Variants in SLCO1A2 observed in about 807,000 individuals in gnomAD.
SLCO1A2 encodes OATP-1.
A neutral mutation model predicts 69.0 loss-of-function variants in SLCO1A2; 67 were observed. The observed-to-expected ratio is 0.97, with a 90% CI of 0.80 to 1.19. The LOEUF (loss-of-function observed/expected upper bound fraction) is 1.19. Ranked by LOEUF, SLCO1A2 falls within the 50% of genes most tolerant of loss-of-function variation. The pLI, the probability that SLCO1A2 is intolerant of heterozygous loss-of-function variation, is 0.00. For synonymous variants in SLCO1A2, 260 were observed against 265.9 expected (o/e 0.98, Z 0.22); for missense variants, 787 against 793.7 (o/e 0.99, Z 0.10).
intron 2 of SLCO1A2, among the ~76,000 whole-genome samples, chr12:21,334,225 G>GA (rs778573357): frequency 2.6e-5 from 4 of 152,048 alleles, no homozygotes; most frequent in Non-Finnish European, 4.4e-5. Flanking sequence ...TCTGTGCAAT[G>GA]AGCCATTTTC....
intron 2 of SLCO1A2, among the ~76,000 whole-genome samples, chr12:21,363,560 G>A (rs1194395588): frequency 6.6e-6 from 1 of 152,116 alleles, no homozygotes; most frequent in East Asian, 1.9e-4. Context: ...CAGAACTGAA[G>A]TAGATAGAGA....
In SLCO1A2 at chr12:21,314,542, T is replaced by A. The variant is rs774328822; in HGVS notation, c.335+7A>T. ...ACCACCCAAAATTATCAGACTGGAG[T>A]ACTTACTGGTTCATGAGGAAATGAG... is the stretch of plus-strand genomic sequence containing the variant. On this transcript the variant is annotated splice_region_variant and intron_variant, in intron 4 of 14. Coordinates refer to ENST00000683939, the MANE Select transcript of SLCO1A2 (RefSeq NM_001386879.1). 5 of 1,613,444 alleles carry A rather than the reference T, an allele frequency of 3.1e-6. No individual in the cohort carries two copies. The highest frequency in any genetic ancestry group is 4.2e-6 in the Non-Finnish European group (5 of 1,179,852).
At chr12:21,370,906 G>A (rs1057232613) in intron 2 of SLCO1A2, among the ~76,000 whole-genome samples, 8 of 152,180 alleles carry the variant, frequency 5.3e-5, no homozygotes, top group Middle Eastern at 3.2e-3. Context: ...AGGGTTCTTG[G>A]CTTTGTTCAT....
At chr12:21,397,015 C>T (rs1941491869), upstream of SLCO1A2, among the ~76,000 whole-genome samples, 1 of 151,476 alleles carries the variant, frequency 6.6e-6, no homozygotes, top group South Asian at 2.1e-4. Flanking sequence ...CAAATTCACA[C>T]ATAACAATAT....
At chr12:21,364,136 C>T (rs892277571) in intron 2 of SLCO1A2, among the ~76,000 whole-genome samples, 2 of 152,070 alleles carry the variant, frequency 1.3e-5, no homozygotes, top group African/African-American at 2.4e-5. Context: ...AACATCGATG[C>T]AAAAATCCTC....
Position 21,275,393 on chromosome 12 carries a change from C to T in SLCO1A2, c.1642G>A (p.Val548Met), listed in dbSNP as rs1390792208. 1 of 1,535,338 alleles carries T rather than the reference C, an allele frequency of 6.5e-7. No homozygotes were observed. Among genetic ancestry groups the T allele is most frequent in the Non-Finnish European group, 8.8e-7 (1 of 1,133,922 alleles). The stretch of plus-strand genomic sequence containing the variant: ...CTTGTGCAAAATGTATGTAATCCCA[C>T]ACCAAGGGACTTCTCTTCAGATTTC... ...CMKSEEKSLG[V>M]GLHTFCTRVF... The change falls in exon 13 of 15, where the codon GTG (valine) becomes ATG (methionine). Residue 548 changes from valine (V) to methionine (M), a missense_variant. Coordinates refer to ENST00000683939, the MANE Select transcript of SLCO1A2 (RefSeq NM_001386879.1).
At chr12:21,370,665 A>G (rs1939718067) in intron 2 of SLCO1A2, among the ~76,000 whole-genome samples, 1 of 152,106 alleles carries the variant, frequency 6.6e-6, no homozygotes, top group South Asian at 2.1e-4. Flanking sequence ...CATCTTAGAG[A>G]AACAAAAAAG....
At chr12:21,308,427 CT>C (rs1309953721) in intron 4 of SLCO1A2, among the ~76,000 whole-genome samples, 1 of 152,164 alleles carries the variant, frequency 6.6e-6, no homozygotes, top group Non-Finnish European at 1.5e-5. Context: ...AGGCAAGATA[CT>C]TAAATGCAAA....
At chr12:21,358,597 CTT>C (rs752965600) in intron 2 of SLCO1A2, among the ~76,000 whole-genome samples, 37 of 151,852 alleles carry the variant, frequency 2.4e-4, no homozygotes, top group Non-Finnish European at 4.6e-4. Context: ...AATTTTGTGT[CTT>C]ATATTTTATC....
chr12:21,285,889 C>A (rs1945686996), intron 12 of SLCO1A2, among the ~76,000 whole-genome samples: 1 of 151,398 alleles, frequency 6.6e-6, no homozygotes, highest in African/African-American at 2.4e-5. Context: ...ATGACAGACC[C>A]ACAGCCAATA....
intron 13 of SLCO1A2, chr12:21,274,853 A>G: frequency 1.1e-6 from 1 of 904,128 alleles, no homozygotes; most frequent in South Asian, 3.4e-5. Flanking sequence ...ATATTTTCTT[A>G]AATGTTTTGG....
At chr12:21,305,866 A>G (rs3794319) in intron 5 of SLCO1A2, among the ~76,000 whole-genome samples, 40,952 of 152,188 alleles carry the variant, frequency 0.27, 7,651 homozygotes, top group African/African-American at 0.53. Flanking sequence ...CAATTTCCAC[A>G]AACATGAATC....
chr12:21,347,591 G>A (rs1953299627), intron 2 of SLCO1A2, among the ~76,000 whole-genome samples: 1 of 151,584 alleles, frequency 6.6e-6, no homozygotes, highest in Non-Finnish European at 1.5e-5. Context: ...GTTGCAGTGA[G>A]CGGATATCGT....
chr12:21,378,587 AC>A (rs1222122131), intron 1 of SLCO1A2: 12 of 576,566 alleles, frequency 2.1e-5, no homozygotes, highest in African/African-American at 2.1e-4. Flanking sequence ...TGTAGTACTA[AC>A]TAAGGTCCCA....
chr12:21,394,946 T>C (rs1384976763), exon 1 of SLCO1A2: 1 of 152,230 alleles, frequency 6.6e-6, no homozygotes, highest in African/African-American at 2.4e-5. Flanking sequence ...TAGCAGGCAC[T>C]TCACAAAGCA....
chr12:21,297,595 C>A, intron 8 of SLCO1A2, 27 bp from the exon 9 acceptor site: 2 of 1,492,362 alleles, frequency 1.3e-6, no homozygotes, highest in South Asian at 1.4e-5. Flanking sequence ...ACAACTGTGT[C>A]AAACGAACTT....
chr12:21,366,159 T>C lies in SLCO1A2; in HGVS notation c.-63+8240A>G, dbSNP rs375218769. Among the ~76,000 whole-genome samples, 108 of 152,184 alleles carry C rather than the reference T, an allele frequency of 7.1e-4. 2 individuals are homozygous for C. The South Asian group carries it at 0.022, about 31-fold the overall frequency. ...GACTTGGAACCAACCCAAATGTCCA[T>C]CAGTGATAGACTGGATTAAGAAAAT... On this transcript the variant is annotated intron_variant, in intron 2 of 15. Transcript: ENST00000307378.
chr12:21,325,607 C>A (rs903720746), intron 2 of SLCO1A2, among the ~76,000 whole-genome samples: 1 of 152,154 alleles, frequency 6.6e-6, no homozygotes, highest in Non-Finnish European at 1.5e-5. Flanking sequence ...CAATCTGGGG[C>A]AAATGCAGAA....
At chr12:21,406,786 G>C (rs1269631109) in intron 1 of SLCO1A2, among the ~76,000 whole-genome samples, 1 of 152,144 alleles carries the variant, frequency 6.6e-6, no homozygotes, top group East Asian at 1.9e-4. Context: ...GTTGATATTA[G>C]GTTAGCAAAT....
Sources: gnomAD v4.1 joint callset for allele counts (sites outside exome capture counted in the v4.1 genomes callset) on GRCh38, gnomAD v4.1.1 for gene constraint, MANE v1.5 for transcripts, NCBI Gene and HGNC (gene_info 2026-07-23, HGNC 2026-07-21) for gene names.